PRDM16: variants seen among roughly 807,000 people sequenced by gnomAD.
The protein encoded by PRDM16 is histone-lysine N-methyltransferase PRDM16.
Under a neutral mutation model 110.6 loss-of-function variants are expected in PRDM16, and 23 were observed. The ratio of observed to expected loss-of-function variants is 0.21; its 90% CI spans 0.15 to 0.29. The LOEUF (loss-of-function observed/expected upper bound fraction) is 0.29. Among genes scored for constraint, PRDM16 ranks in the 10% least tolerant of loss-of-function variants. PRDM16 has a pLI of 1.00. For synonymous variants in PRDM16, 799 were observed against 781.8 expected (o/e 1.02, Z -0.37); for missense variants, 1,615 against 1,794.3 (o/e 0.90, Z 1.81).
chr1:3,330,531 A>T (rs1642020848), intron 3 of PRDM16, among the ~76,000 whole-genome samples: 2 of 151,940 alleles, frequency 1.3e-5, no homozygotes, highest in African/African-American at 4.8e-5. Context: ...TCCCCACCAC[A>T]TCCCCTCTCA....
chr1:3,274,859 G>A (rs1488864905), intron 3 of PRDM16, among the ~76,000 whole-genome samples: 2 of 152,246 alleles, frequency 1.3e-5, no homozygotes, highest in African/African-American at 2.4e-5. Flanking sequence ...AGGCATGTTA[G>A]GGTGTGGGTC....
chr1:3,316,863 T>G (rs1427768593), intron 3 of PRDM16, among the ~76,000 whole-genome samples: 11 of 151,984 alleles, frequency 7.2e-5, no homozygotes. Flanking sequence ...AGTGACACAG[T>G]GGAGCCAGGA....
intron 1 of PRDM16, among the ~76,000 whole-genome samples, chr1:3,162,284 G>C (rs1643905198): frequency 6.6e-6 from 1 of 152,096 alleles, no homozygotes; most frequent in Non-Finnish European, 1.5e-5. Context: ...CCGAGTCCCG[G>C]GACTTTCTCA....
chr1:3,377,849 G>A (rs1014767681), intron 3 of PRDM16, among the ~76,000 whole-genome samples: 6 of 148,844 alleles, frequency 4.0e-5, no homozygotes, highest in East Asian at 3.9e-4. Context: ...CAGTGAGCCC[G>A]GGTTGGTCAC....
chr1:3,247,984 G>C (rs368642897), intron 3 of PRDM16, among the ~76,000 whole-genome samples: 1 of 152,322 alleles, frequency 6.6e-6, no homozygotes, highest in African/African-American at 2.4e-5. Context: ...CCATCACTCC[G>C]GGCGCGCAGC....
intron 3 of PRDM16, among the ~76,000 whole-genome samples, chr1:3,258,213 G>A (rs1385619482): frequency 6.6e-6 from 1 of 152,172 alleles, no homozygotes; most frequent in Non-Finnish European, 1.5e-5. Context: ...GGGCTTGGCT[G>A]CATCCCTGTA....
intron 3 of PRDM16, among the ~76,000 whole-genome samples, chr1:3,275,569 G>T (rs1213419505): frequency 6.6e-6 from 1 of 152,198 alleles, no homozygotes; most frequent in African/African-American, 2.4e-5. Context: ...CTGTCCTGGT[G>T]CAGGCAGCAC....
intron 3 of PRDM16, among the ~76,000 whole-genome samples, chr1:3,337,621 G>T (rs781140545): frequency 2.6e-5 from 4 of 152,204 alleles, no homozygotes; most frequent in Non-Finnish European, 4.4e-5. Flanking sequence ...TGGCCACTGC[G>T]GGGCCAGCCC....
chr1:3,088,319 C>T (rs1013770410), intron 1 of PRDM16, among the ~76,000 whole-genome samples: 5 of 151,948 alleles, frequency 3.3e-5, no homozygotes, highest in Admixed American at 6.6e-5. Flanking sequence ...ATCCTCAAAC[C>T]GCCTTTCCCT....
chr1:3,121,381 G>T (rs768715256), intron 1 of PRDM16, among the ~76,000 whole-genome samples: 2 of 152,254 alleles, frequency 1.3e-5, no homozygotes, highest in Non-Finnish European at 2.9e-5. Context: ...TTAAAAGCCT[G>T]TCCTGGAGGA....
In PRDM16 at chr1:3,380,122, C is replaced by G. The variant is rs1409911492; in HGVS notation, c.439-5030C>G. On this transcript the variant is annotated intron_variant, in intron 3 of 16. Coordinates refer to ENST00000270722, the MANE Select transcript of PRDM16 (RefSeq NM_022114.4). ...CCAACACATCCCCTCCCCGTGCACC[C>G]TCTCCTAACATGCCCCTCCCGGTGC... is the stretch of plus-strand genomic sequence containing the variant. Among the ~76,000 whole-genome samples the G allele has an allele frequency of 2.7e-5, 4 of 150,142 alleles. No individual in the cohort carries two copies. In the East Asian group the frequency reaches 8.0e-4, roughly 30 times the overall value.
intron 2 of PRDM16, among the ~76,000 whole-genome samples, chr1:3,211,791 G>A (rs891262800): frequency 2.0e-5 from 3 of 152,230 alleles, no homozygotes; most frequent in Non-Finnish European, 4.4e-5. Context: ...CTTGCAGCAC[G>A]AGCGTGTCCA....
chr1:3,276,939 C>T (rs1336803710), intron 3 of PRDM16, among the ~76,000 whole-genome samples: 4 of 152,144 alleles, frequency 2.6e-5, no homozygotes, highest in African/African-American at 9.7e-5. Flanking sequence ...TCCCCCATCA[C>T]GACCCCGGGC....
intron 1 of PRDM16, among the ~76,000 whole-genome samples, chr1:3,099,727 G>A (rs746315542): frequency 1.3e-5 from 2 of 152,206 alleles, no homozygotes; most frequent in African/African-American, 2.4e-5. Flanking sequence ...CACCCACCAG[G>A]CCGCCATGGC....
intron 3 of PRDM16, among the ~76,000 whole-genome samples, chr1:3,263,459 G>A (rs1248862769): frequency 6.6e-6 from 1 of 152,198 alleles, no homozygotes; most frequent in African/African-American, 2.4e-5. Flanking sequence ...CTGTCTAGTG[G>A]TCCCTGGGCA....
intron 1 of PRDM16, among the ~76,000 whole-genome samples, chr1:3,168,683 T>TA (rs1643990486): frequency 6.6e-6 from 1 of 151,652 alleles, no homozygotes; most frequent in African/African-American, 2.4e-5. Flanking sequence ...TAAAGGTGAT[T>TA]AATTGGATTA....
intron 4 of PRDM16, among the ~76,000 whole-genome samples, chr1:3,385,705 C>T (rs1047240396): frequency 2.6e-5 from 4 of 152,224 alleles, no homozygotes; most frequent in Admixed American, 6.5e-5. Context: ...CCAAATTTTC[C>T]GAAGAGTCCG....
intron 2 of PRDM16, among the ~76,000 whole-genome samples, chr1:3,240,016 G>A (rs558082588): frequency 4.2e-4 from 60 of 142,354 alleles, no homozygotes; most frequent in Non-Finnish European, 6.9e-4. Context: ...GAAAGATGGA[G>A]AGAGAGAGAA....
chr1:3,430,308 T>C (rs1264292121), intron 14 of PRDM16, among the ~76,000 whole-genome samples: 1 of 152,174 alleles, frequency 6.6e-6, no homozygotes, highest in Admixed American at 6.5e-5. Context: ...AGGAGAGCCC[T>C]GGGCTGCAGA....
Sources: allele counts gnomAD v4.1 joint callset (sites outside exome capture counted in the v4.1 genomes callset), GRCh38; gene constraint gnomAD v4.1.1; transcripts MANE v1.5; gene names NCBI Gene and HGNC (gene_info 2026-07-23, HGNC 2026-07-21).